The following PTPRD variants were observed in gnomAD, a reference collection of about 807,000 sequenced individuals.
PTPRD encodes the protein protein tyrosine phosphatase receptor type D, also known as receptor-type tyrosine-protein phosphatase delta.
Under a neutral mutation model 214.5 loss-of-function variants are expected in PTPRD, and 34 were observed. The observed-to-expected ratio is 0.16, with a 90% CI of 0.12 to 0.21. PTPRD has a LOEUF of 0.21. Among genes scored for constraint, PTPRD ranks in the 10% least tolerant of loss-of-function variants. PTPRD has a pLI of 1.00. For missense variants in PTPRD, 2,545 were observed against 2,398.7 expected (o/e 1.06, Z -1.27); for synonymous variants, 1,128 against 845.7 (o/e 1.33, Z -5.79).
At chr9:8,641,370 T>C (rs904932128) in intron 12 of PTPRD, among the ~76,000 whole-genome samples, 1 of 148,350 alleles carries the variant, frequency 6.7e-6, no homozygotes, top group African/African-American at 2.6e-5. Flanking sequence ...CCAGTCACCA[T>C]TATTTAGAGA....
At chr9:9,891,646 T>G (rs905606131) in intron 5 of PTPRD, among the ~76,000 whole-genome samples, 4 of 151,456 alleles carry the variant, frequency 2.6e-5, no homozygotes, top group African/African-American at 9.8e-5. Flanking sequence ...AGTAACAGGA[T>G]TTTTTTTCAG....
intron 9 of PTPRD, among the ~76,000 whole-genome samples, chr9:9,284,010 C>T (rs146755194): frequency 2.4e-4 from 36 of 151,770 alleles, no homozygotes; most frequent in African/African-American, 8.4e-4. Context: ...TATAATCTTC[C>T]TGGCATGTCC....
intron 10 of PTPRD, among the ~76,000 whole-genome samples, chr9:9,090,303 A>G (rs1033141241): frequency 6.6e-6 from 1 of 152,202 alleles, no homozygotes; most frequent in African/African-American, 2.4e-5. Context: ...AAGTGAGAAC[A>G]CGCAATATTT....
At chr9:9,578,408 A>T (rs2089702151) in intron 7 of PTPRD, among the ~76,000 whole-genome samples, 1 of 152,080 alleles carries the variant, frequency 6.6e-6, no homozygotes, top group Admixed American at 6.6e-5. Context: ...TTAGATGGTG[A>T]TTTCTTCCTC....
chr9:8,891,224 C>T (rs1288351623), intron 11 of PTPRD, among the ~76,000 whole-genome samples: 13 of 149,140 alleles, frequency 8.7e-5, no homozygotes, highest in Non-Finnish European at 1.8e-4. Context: ...AGCTCCGCCT[C>T]CCGGGTTCAG....
chr9:9,267,545 C>T (rs1940544064), intron 9 of PTPRD, among the ~76,000 whole-genome samples: 1 of 151,064 alleles, frequency 6.6e-6, no homozygotes, highest in Admixed American at 6.6e-5. Context: ...GGCCAGTATT[C>T]CCTTTTACCA....
intron 11 of PTPRD, among the ~76,000 whole-genome samples, chr9:8,738,540 A>G (rs773701813): frequency 2.6e-5 from 4 of 152,124 alleles, no homozygotes; most frequent in Non-Finnish European, 5.9e-5. Flanking sequence ...AGTTGTCGGA[A>G]CTACTAGGCT....
chr9:10,427,069 T>C (rs2098628815), intron 2 of PTPRD, among the ~76,000 whole-genome samples: 1 of 152,112 alleles, frequency 6.6e-6, no homozygotes, highest in Admixed American at 6.6e-5. Context: ...GTTTTTCTTT[T>C]AATTTATTAA....
At chr9:9,715,406 C>T (rs899439412) in intron 7 of PTPRD, among the ~76,000 whole-genome samples, 1 of 151,946 alleles carries the variant, frequency 6.6e-6, no homozygotes. Context: ...TTATAAATAA[C>T]CTCTCTATCA....
intron 14 of PTPRD, among the ~76,000 whole-genome samples, chr9:8,608,871 A>G (rs2095339164): frequency 6.6e-6 from 1 of 152,188 alleles, no homozygotes. Context: ...TTGGGAAAGG[A>G]TAAGTGGCCC....
At chr9:8,500,491 G>A (rs1453241076) in intron 24 of PTPRD, among the ~76,000 whole-genome samples, 1 of 133,012 alleles carries the variant, frequency 7.5e-6, no homozygotes, top group Non-Finnish European at 1.5e-5. Flanking sequence ...GGGCTGGACT[G>A]CAAGACCATA....
At chr9:10,291,367 G>A (rs1447432350) in intron 3 of PTPRD, among the ~76,000 whole-genome samples, 1 of 152,062 alleles carries the variant, frequency 6.6e-6, no homozygotes, top group Non-Finnish European at 1.5e-5. Context: ...CCTAATCCTT[G>A]AATGTTTGAA....
intron 4 of PTPRD, among the ~76,000 whole-genome samples, chr9:10,029,206 A>G (rs1466780069): frequency 6.6e-6 from 1 of 152,188 alleles, no homozygotes; most frequent in Non-Finnish European, 1.5e-5. Flanking sequence ...ATGTCCAGAA[A>G]GAAGTTTGCT....
At chr9:10,152,196 G>C (rs953842568) in intron 3 of PTPRD, among the ~76,000 whole-genome samples, 1 of 152,164 alleles carries the variant, frequency 6.6e-6, no homozygotes, top group African/African-American at 2.4e-5. Flanking sequence ...TTTAGCATAA[G>C]TGTTTTAAAA....
intron 7 of PTPRD, among the ~76,000 whole-genome samples, chr9:9,634,476 G>T (rs1198478198): frequency 6.6e-6 from 1 of 152,084 alleles, no homozygotes; most frequent in Non-Finnish European, 1.5e-5. Flanking sequence ...CTGTGTGTTT[G>T]TTTCTGCTAT....
intron 2 of PTPRD, among the ~76,000 whole-genome samples, chr9:10,448,818 A>G (rs2098817001): frequency 6.6e-6 from 1 of 151,952 alleles, no homozygotes; most frequent in African/African-American, 2.4e-5. Flanking sequence ...TTGCATGCCC[A>G]AGAGAAAGCA....
intron 11 of PTPRD, among the ~76,000 whole-genome samples, chr9:8,884,636 T>C (rs2098471980): frequency 1.3e-5 from 2 of 152,160 alleles, no homozygotes; most frequent in Admixed American, 1.3e-4. Flanking sequence ...AAAGGAAATA[T>C]AGCTAGTTGA....
chr9:10,362,700 T>C (rs941066817), intron 2 of PTPRD, among the ~76,000 whole-genome samples: 1 of 152,022 alleles, frequency 6.6e-6, no homozygotes, highest in African/African-American at 2.4e-5. Context: ...GCCAACATGA[T>C]GAAACCCCGT....
chr9:9,922,098 C>A (rs574362739), intron 5 of PTPRD, among the ~76,000 whole-genome samples: 3 of 152,180 alleles, frequency 2.0e-5, no homozygotes, highest in South Asian at 4.2e-4. Flanking sequence ...GTGGAGCCCC[C>A]ACAAGAAGTT....
Sources: allele counts gnomAD v4.1 joint callset (sites outside exome capture counted in the v4.1 genomes callset), GRCh38; gene constraint gnomAD v4.1.1; transcripts MANE v1.5; gene names NCBI Gene and HGNC (gene_info 2026-07-23, HGNC 2026-07-21).